Variants in ROBO1 observed in about 807,000 individuals in gnomAD.
The protein encoded by ROBO1 is roundabout guidance receptor 1.
ROBO1 carries 149 observed loss-of-function variants against 195.9 expected under a neutral mutation model. The observed-to-expected ratio is 0.76, with a 90% confidence interval of 0.67 to 0.87. The LOEUF (loss-of-function observed/expected upper bound fraction) is 0.87, where lower values mean the gene tolerates loss of function less well. ROBO1 is among the 40% of genes least tolerant of loss of function. The pLI is 0.00. For synonymous variants in ROBO1, 816 were observed against 733.2 expected (o/e 1.11, Z -1.82); for missense variants, 1,933 against 2,068.3 (o/e 0.93, Z 1.27).
intron 2 of ROBO1, among the ~76,000 whole-genome samples, chr3:79,392,397 A>G (rs1438101769): frequency 6.6e-6 from 1 of 152,200 alleles, no homozygotes; most frequent in Non-Finnish European, 1.5e-5. Flanking sequence ...AGTAATTACA[A>G]GGTCAGATGG....
chr3:79,203,976 T>A (rs2081816772), intron 2 of ROBO1, among the ~76,000 whole-genome samples: 1 of 152,218 alleles, frequency 6.6e-6, no homozygotes, highest in Admixed American at 6.5e-5. Context: ...TTTCTTATTT[T>A]AAAATGCTGT....
chr3:79,656,905 A>AG (rs1022581846), intron 1 of ROBO1, among the ~76,000 whole-genome samples: 43 of 151,498 alleles, frequency 2.8e-4, no homozygotes, highest in African/African-American at 1.0e-3. Flanking sequence ...TCAAAGAAAA[A>AG]AAATAATGCT....
chr3:79,520,397 T>C lies in ROBO1; in HGVS notation c.88+69427A>G, dbSNP rs1941158366. On this transcript the variant is annotated intron_variant, in intron 2 of 30. Transcript: ENST00000464233. ...CTCAGAATGGTAAGAAAAAGGAGAGTCTAGAGTACAAATTTTCTGGCCTCA... is the reference window on the plus strand; with the variant it reads ...CTCAGAATGGTAAGAAAAAGGAGAGCCTAGAGTACAAATTTTCTGGCCTCA... Among the ~76,000 whole-genome samples, 7 of 151,912 alleles carry C rather than the reference T, an allele frequency of 4.6e-5. No individual in the cohort carries two copies. In the South Asian group the frequency reaches 1.5e-3, roughly 32 times the overall value.
Position 78,651,949 on chromosome 3 carries a change from T to C in ROBO1, c.2615-20A>G, listed in dbSNP as rs755289086. On this transcript the variant is annotated intron_variant, in intron 18 of 30. Coordinates refer to ENST00000464233, the MANE Select transcript of ROBO1 (RefSeq NM_002941.4). ...GGGCATCTGAAAAGTCATCTTCCGA[T>C]TAATTTGGGTTGAAGACTCAATGCA... 5.0e-6 allele frequency: 8 copies of C among 1,602,964 alleles called. No individual in the cohort carries two copies. The highest frequency in any genetic ancestry group is 6.0e-6 in the Non-Finnish European group (7 of 1,172,872).
At chr3:78,968,850 G>C (rs888957001) in intron 3 of ROBO1, among the ~76,000 whole-genome samples, 2 of 152,120 alleles carry the variant, frequency 1.3e-5, no homozygotes, top group African/African-American at 4.8e-5. Flanking sequence ...AAGGTTAAAA[G>C]ATGAATTTTA....
rs145426436 is a variant in ROBO1 at position 79,672,526 on chromosome 3, T to C, written c.-50-82565A>G. 6.3e-3 allele frequency among the ~76,000 whole-genome samples: 961 copies of C among 152,066 alleles called. 8 individuals carry two copies. Among genetic ancestry groups the C allele is most frequent in the African/African-American group, 0.02 (841 of 41,536 alleles). ...ATACGAATTAATCTGGAAACTAAAG[T>C]ACACAGGATAAATATCAGATCAGAC... On this transcript the variant is annotated intron_variant, in intron 1 of 30. Coordinates refer to ENST00000464233, the MANE Select transcript of ROBO1 (RefSeq NM_002941.4).
chr3:79,730,629 C>A (rs1576293210), intron 1 of ROBO1, among the ~76,000 whole-genome samples: 1 of 152,182 alleles, frequency 6.6e-6, no homozygotes, highest in Admixed American at 6.5e-5. Flanking sequence ...CATTTCATTT[C>A]ATTTCATTAG....
intron 10 of ROBO1, among the ~76,000 whole-genome samples, chr3:78,679,677 AAAG>A (rs2080840861): frequency 6.6e-6 from 1 of 152,198 alleles, no homozygotes; most frequent in South Asian, 2.1e-4. Flanking sequence ...CAATGAAATA[AAAG>A]AAGATACAAA....
intron 3 of ROBO1, among the ~76,000 whole-genome samples, chr3:78,979,121 G>A (rs1355144669): frequency 2.0e-5 from 3 of 152,162 alleles, no homozygotes; most frequent in African/African-American, 4.8e-5. Context: ...GACGGGTGCT[G>A]TGTTCCTGTC....
chr3:78,749,292 T>C (rs957304838), intron 4 of ROBO1, among the ~76,000 whole-genome samples: 5 of 152,178 alleles, frequency 3.3e-5, no homozygotes, highest in African/African-American at 1.2e-4. Context: ...ATTTACAAGC[T>C]GAATCATTTC....
At chr3:79,552,992 A>G (rs896946155) in intron 2 of ROBO1, among the ~76,000 whole-genome samples, 1 of 152,056 alleles carries the variant, frequency 6.6e-6, no homozygotes, top group African/African-American at 2.4e-5. Context: ...AATCTTGTGC[A>G]TTATTTTTCT....
intron 3 of ROBO1, among the ~76,000 whole-genome samples, chr3:78,984,161 T>A (rs1455957022): frequency 6.6e-6 from 1 of 152,170 alleles, no homozygotes; most frequent in Non-Finnish European, 1.5e-5. Context: ...AATAATCTAA[T>A]GAGAGGACTG....
chr3:79,407,088 T>A (rs1189642476), intron 2 of ROBO1, among the ~76,000 whole-genome samples: 1 of 151,952 alleles, frequency 6.6e-6, no homozygotes, highest in African/African-American at 2.4e-5. Flanking sequence ...CTTGCTAATT[T>A]TTTGTGTGTG....
At chr3:79,648,509 A>G (rs1482083049) in intron 1 of ROBO1, among the ~76,000 whole-genome samples, 1 of 152,090 alleles carries the variant, frequency 6.6e-6, no homozygotes, top group African/African-American at 2.4e-5. Context: ...TTCAAACCAC[A>G]CGCATTTCAG....
At chr3:79,564,507 A>T (rs182152768) in intron 2 of ROBO1, among the ~76,000 whole-genome samples, 1 of 152,238 alleles carries the variant, frequency 6.6e-6, no homozygotes, top group East Asian at 1.9e-4. Flanking sequence ...GTAATGGAGT[A>T]TGGAAGGCTG....
intron 2 of ROBO1, among the ~76,000 whole-genome samples, chr3:79,436,939 T>C (rs751733375): frequency 6.6e-6 from 1 of 152,114 alleles, no homozygotes; most frequent in Non-Finnish European, 1.5e-5. Context: ...ATATATAGGA[T>C]TCATCTCTTT....
chr3:78,750,221 C>A (rs1227319193), intron 4 of ROBO1, among the ~76,000 whole-genome samples: 3 of 151,912 alleles, frequency 2.0e-5, no homozygotes, highest in Non-Finnish European at 2.9e-5. Flanking sequence ...TTTGGGAGGC[C>A]AGCAGGCAGA....
chr3:79,577,739 CACACACACACACACACACACAA>C (rs1943536518), intron 2 of ROBO1, among the ~76,000 whole-genome samples: 1 of 117,322 alleles, frequency 8.5e-6, no homozygotes, highest in Non-Finnish European at 1.9e-5. Context: ...CACACACACA[CACACACACACACACACACACAA>C]AATTGCTGGG....
chr3:79,738,817 C>T (rs1244739551), intron 1 of ROBO1, among the ~76,000 whole-genome samples: 7 of 152,200 alleles, frequency 4.6e-5, no homozygotes, highest in South Asian at 2.1e-4. Flanking sequence ...CAGACTGCAT[C>T]CTGAGGAAAT....
Sources: allele counts gnomAD v4.1 joint callset (sites outside exome capture counted in the v4.1 genomes callset), GRCh38; gene constraint gnomAD v4.1.1; transcripts MANE v1.5; gene names NCBI Gene and HGNC (gene_info 2026-07-23, HGNC 2026-07-21).